The following ERBB4 variants were observed in gnomAD, a reference collection of about 807,000 sequenced individuals.
The protein encoded by ERBB4 is receptor tyrosine-protein kinase erbB-4.
Under a neutral mutation model 158.0 loss-of-function variants are expected in ERBB4, and 42 were observed. That is an observed-to-expected ratio of 0.27 (90% CI 0.21 to 0.34). ERBB4 has a LOEUF of 0.34. Among genes scored for constraint, ERBB4 ranks in the 10% least tolerant of loss-of-function variants. The pLI, the probability that ERBB4 is intolerant of heterozygous loss-of-function variation, is 1.00. For missense variants in ERBB4, 1,333 were observed against 1,624.1 expected (o/e 0.82, Z 3.08); for synonymous variants, 583 against 558.7 (o/e 1.04, Z -0.61).
intron 7 of ERBB4, among the ~76,000 whole-genome samples, chr2:211,714,429 C>T (rs995038598): frequency 3.3e-5 from 5 of 152,190 alleles, no homozygotes; most frequent in African/African-American, 1.2e-4. Context: ...ATGCTTACAG[C>T]CTTGAGGGGT....
intron 20 of ERBB4, among the ~76,000 whole-genome samples, chr2:211,476,089 G>A (rs2064946280): frequency 6.6e-6 from 1 of 152,052 alleles, no homozygotes; most frequent in African/African-American, 2.4e-5. Context: ...ATTCTAGGTA[G>A]AGCTGGTGGC....
chr2:211,497,760 A>G (rs2065507831), intron 20 of ERBB4, among the ~76,000 whole-genome samples: 1 of 152,108 alleles, frequency 6.6e-6, no homozygotes, highest in African/African-American at 2.4e-5. Flanking sequence ...TATTTCATGG[A>G]TGGTCCATAT....
chr2:211,635,651 T>A (rs368962078), intron 16 of ERBB4, among the ~76,000 whole-genome samples: 2 of 152,246 alleles, frequency 1.3e-5, no homozygotes, highest in South Asian at 2.1e-4. Flanking sequence ...AAAACTCAAA[T>A]GTTTTAAAAA....
At chr2:211,968,377 A>C (rs1374712773) in intron 2 of ERBB4, among the ~76,000 whole-genome samples, 1 of 152,084 alleles carries the variant, frequency 6.6e-6, no homozygotes, top group Non-Finnish European at 1.5e-5. Context: ...CAAATATTCT[A>C]CAATGAGAAA....
intron 3 of ERBB4, among the ~76,000 whole-genome samples, chr2:211,806,238 A>C (rs1186446023): frequency 6.6e-6 from 1 of 152,182 alleles, no homozygotes; most frequent in Non-Finnish European, 1.5e-5. Flanking sequence ...AGAGACAGCT[A>C]GAATGAGAAT....
chr2:212,356,404 T>C (rs1353382498), intron 1 of ERBB4, among the ~76,000 whole-genome samples: 1 of 152,042 alleles, frequency 6.6e-6, no homozygotes, highest in Non-Finnish European at 1.5e-5. Flanking sequence ...CTTTAGTTTA[T>C]AGAGAATAAA....
chr2:211,956,923 C>T (rs935972022), intron 2 of ERBB4, among the ~76,000 whole-genome samples: 3 of 152,004 alleles, frequency 2.0e-5, no homozygotes, highest in Non-Finnish European at 4.4e-5. Context: ...CAGTCTTGAA[C>T]TCTGGGTTCA....
At chr2:212,291,076 T>G (rs74816679) in intron 1 of ERBB4, among the ~76,000 whole-genome samples, 2,654 of 152,098 alleles carry the variant, frequency 0.017, 81 homozygotes, top group African/African-American at 0.061. Flanking sequence ...CATTGCCCAA[T>G]AAAGTAGGGA....
chr2:211,433,492 G>A (rs940045023), intron 20 of ERBB4, among the ~76,000 whole-genome samples: 6 of 151,728 alleles, frequency 4.0e-5, no homozygotes, highest in Admixed American at 3.3e-4. Context: ...GAGGCAGGAG[G>A]ATGGCGTGAA....
intron 1 of ERBB4, among the ~76,000 whole-genome samples, chr2:212,393,689 A>C (rs992660511): frequency 6.6e-6 from 1 of 152,072 alleles, no homozygotes; most frequent in Non-Finnish European, 1.5e-5. Context: ...TCAAGATTTG[A>C]TCTTGGATCC....
chr2:212,342,196 C>T (rs933511192), intron 1 of ERBB4, among the ~76,000 whole-genome samples: 1 of 152,108 alleles, frequency 6.6e-6, no homozygotes, highest in African/African-American at 2.4e-5. Context: ...AATTAAGAAC[C>T]TCACAAATTT....
rs76860388 is a variant in ERBB4, at chr2:211,694,000, T to C, written c.1489+7967A>G. 4.5e-3 allele frequency among the ~76,000 whole-genome samples: 689 copies of C among 152,332 alleles called. 7 individuals carry two copies. Among genetic ancestry groups the C allele is most frequent in the African/African-American group, 0.016 (653 of 41,588 alleles). The stretch of plus-strand genomic sequence containing the variant: ...TATGTCTTCACATGGCGTTCTCATT[T>C]GTGTGTGTCCATCTGTGTGTCTCTT... On this transcript the variant is annotated intron_variant, in intron 12 of 27. Coordinates refer to ENST00000342788, the MANE Select transcript of ERBB4 (RefSeq NM_005235.3).
chr2:212,368,721 C>T (rs775940364), intron 1 of ERBB4, among the ~76,000 whole-genome samples: 61 of 152,212 alleles, frequency 4.0e-4, no homozygotes, highest in Non-Finnish European at 8.5e-4. Context: ...AAATATAAGA[C>T]ACATATACCA....
At chr2:211,576,571 C>T (rs1331354351) in intron 19 of ERBB4, among the ~76,000 whole-genome samples, 1 of 152,080 alleles carries the variant, frequency 6.6e-6, no homozygotes, top group Non-Finnish European at 1.5e-5. Context: ...AAATAACTAG[C>T]CATCTTTCAT....
At chr2:211,599,454 C>T (rs891390841) in intron 19 of ERBB4, among the ~76,000 whole-genome samples, 2 of 149,238 alleles carry the variant, frequency 1.3e-5, no homozygotes, top group Admixed American at 6.7e-5. Context: ...TTTCAATTAC[C>T]GTCAGCCTGT....
intron 20 of ERBB4, among the ~76,000 whole-genome samples, chr2:211,506,811 C>G (rs954774502): frequency 1.3e-5 from 2 of 151,826 alleles, no homozygotes; most frequent in Non-Finnish European, 2.9e-5. Context: ...ACAGAAAAAT[C>G]TCAAATATAA....
chr2:212,041,344 T>C (rs1289929871), intron 2 of ERBB4, among the ~76,000 whole-genome samples: 7 of 151,726 alleles, frequency 4.6e-5, no homozygotes, highest in Admixed American at 3.9e-4. Context: ...CTAATGAGTA[T>C]AAAAAAAATT....
At chr2:211,764,659 C>G (rs2106249295) in intron 4 of ERBB4, among the ~76,000 whole-genome samples, 1 of 152,244 alleles carries the variant, frequency 6.6e-6, no homozygotes, top group African/African-American at 2.4e-5. Flanking sequence ...AAAATACTAT[C>G]TCCGGAGCCC....
At chr2:212,255,812 A>G (rs2084708917) in intron 1 of ERBB4, among the ~76,000 whole-genome samples, 1 of 151,946 alleles carries the variant, frequency 6.6e-6, no homozygotes, top group Non-Finnish European at 1.5e-5. Context: ...GTAGGTGCAC[A>G]TAGAATACTT....
Sources: gnomAD v4.1 joint callset for allele counts (sites outside exome capture counted in the v4.1 genomes callset) on GRCh38, gnomAD v4.1.1 for gene constraint, MANE v1.5 for transcripts, NCBI Gene and HGNC (gene_info 2026-07-23, HGNC 2026-07-21) for gene names.